TRAF3: variants seen among roughly 807,000 people sequenced by gnomAD.
TRAF3 encodes the protein TNF receptor associated factor 3, also known as TNF receptor-associated factor 3.
Under a neutral mutation model 62.3 loss-of-function variants are expected in TRAF3, and 13 were observed. That is an observed-to-expected ratio of 0.21 (90% CI 0.14 to 0.33). TRAF3 has a LOEUF of 0.33. Ranked by LOEUF, TRAF3 falls within the 10% of genes least tolerant of loss-of-function variation. The pLI is 1.00. For missense variants in TRAF3, 440 were observed against 741.8 expected (o/e 0.59, Z 4.73); for synonymous variants, 269 against 283.4 (o/e 0.95, Z 0.51).
chr14:102,821,106 T>C (rs1254785079), intron 1 of TRAF3, among the ~76,000 whole-genome samples: 1 of 152,210 alleles, frequency 6.6e-6, no homozygotes, highest in African/African-American at 2.4e-5. Context: ...TATCACTGTG[T>C]GTTCATTCCA....
At chr14:102,853,270 C>A (rs1887155948) in intron 2 of TRAF3, among the ~76,000 whole-genome samples, 1 of 151,950 alleles carries the variant, frequency 6.6e-6, no homozygotes, top group Non-Finnish European at 1.5e-5. Context: ...CCTGGTACTT[C>A]AAGCAGTCCT....
At chr14:102,805,598 A>C (rs190721501) in intron 1 of TRAF3, among the ~76,000 whole-genome samples, 24 of 152,278 alleles carry the variant, frequency 1.6e-4, no homozygotes, top group African/African-American at 5.5e-4. Context: ...GTGAGCAGTG[A>C]GGCACCAGGG....
intron 2 of TRAF3, among the ~76,000 whole-genome samples, chr14:102,836,976 A>C (rs1886047700): frequency 6.6e-6 from 1 of 152,206 alleles, no homozygotes; most frequent in South Asian, 2.1e-4. Flanking sequence ...ACTGTGACAG[A>C]GTAGCGCAGC....
chr14:102,881,362 C>T (rs1357929504), intron 6 of TRAF3, among the ~76,000 whole-genome samples: 2 of 145,750 alleles, frequency 1.4e-5, no homozygotes, highest in African/African-American at 2.5e-5. Context: ...TCAGCCTGGG[C>T]GACAGAGCAA....
At chr14:102,867,145 C>T (rs1056779079) in intron 2 of TRAF3, among the ~76,000 whole-genome samples, 2 of 152,134 alleles carry the variant, frequency 1.3e-5, no homozygotes, top group African/African-American at 4.8e-5. Flanking sequence ...CACTCATTTA[C>T]AAAACTGGCC....
intron 2 of TRAF3, among the ~76,000 whole-genome samples, chr14:102,857,513 T>A (rs181229610): frequency 6.6e-6 from 1 of 152,362 alleles, no homozygotes; most frequent in East Asian, 1.9e-4. Context: ...TAGATAAGAC[T>A]TTTTGTTAAA....
intron 1 of TRAF3, among the ~76,000 whole-genome samples, chr14:102,815,956 G>A (rs1194959956): frequency 2.0e-5 from 3 of 152,062 alleles, no homozygotes; most frequent in Non-Finnish European, 4.4e-5. Context: ...ATTACAATTC[G>A]AGATGAGATT....
In TRAF3 at chr14:102,877,602, C is replaced by G. The variant is rs1888775843; in HGVS notation, c.570+1077C>G. On this transcript the variant is annotated intron_variant, in intron 6 of 11. Transcript: ENST00000392745. ...CATTCCACAGGCCTTCCGCTCAGCT[C>G]ATAATCTGTTCCACAGGCCTTCCGC... Among the ~76,000 whole-genome samples, 3 of 131,144 alleles carry G rather than the reference C, an allele frequency of 2.3e-5. 1 individual carries two copies. In the South Asian group the frequency reaches 8.0e-4, roughly 35 times the overall value. The allele number at this position is 131,144 out of a possible 152,430, so 86.0% of individuals were successfully genotyped here.
Position 102,905,623 on chromosome 14 carries a change from C to T in TRAF3, c.1546C>T (p.Pro516Ser). ...RHLGDAFKPD[P>S]NSSSFKKPTG... Reference sequence around the variant, plus strand: ...TTTGGGAGATGCATTCAAGCCCGACCCCAACAGCAGCAGCTTCAAGAAGCC... The same window carrying T: ...TTTGGGAGATGCATTCAAGCCCGACTCCAACAGCAGCAGCTTCAAGAAGCC... Residue 516 changes from proline (P) to serine (S), a missense_variant, in exon 12 of 12, where the codon CCC becomes TCC. Transcript: ENST00000392745. 1 of 1,614,168 alleles carries T rather than the reference C, an allele frequency of 6.2e-7. No homozygotes were observed. Among genetic ancestry groups the T allele is most frequent in the Non-Finnish European group, 8.5e-7 (1 of 1,180,042 alleles).
rs184285642 is a variant in TRAF3 at position 102,780,219 on chromosome 14, C to T, written c.-157+2544C>T. On this transcript the variant is annotated intron_variant, in intron 1 of 11. Coordinates refer to ENST00000392745, the MANE Select transcript of TRAF3 (RefSeq NM_145725.3). ...CCAGAATGAGGGAGGCCCAGACGCC[C>T]GGGAGAGGTACAGGGGATAGGTGCC... Among the ~76,000 whole-genome samples, 467 of 152,082 alleles carry T rather than the reference C, an allele frequency of 3.1e-3. 2 individuals are homozygous for T. The highest frequency in any genetic ancestry group is 0.02 in the South Asian group (94 of 4,816).
intron 1 of TRAF3, among the ~76,000 whole-genome samples, chr14:102,802,600 G>T (rs1157896257): frequency 6.6e-6 from 1 of 151,612 alleles, no homozygotes; most frequent in African/African-American, 2.4e-5. Context: ...AGGTCGAGGT[G>T]GGAGGATCAT....
intron 1 of TRAF3, among the ~76,000 whole-genome samples, chr14:102,815,426 C>T (rs1899454984): frequency 6.6e-6 from 1 of 152,026 alleles, no homozygotes; most frequent in Non-Finnish European, 1.5e-5. Flanking sequence ...TTATCCATAG[C>T]CATGATCATA....
chr14:102,814,482 T>C (rs936320993), intron 1 of TRAF3, among the ~76,000 whole-genome samples: 4 of 152,206 alleles, frequency 2.6e-5, no homozygotes, highest in Admixed American at 2.6e-4. Context: ...ACAATGTCAT[T>C]GGTATTTTGA....
At chr14:102,833,495 G>A (rs1383952937) in intron 2 of TRAF3, among the ~76,000 whole-genome samples, 1 of 152,116 alleles carries the variant, frequency 6.6e-6, no homozygotes, top group Non-Finnish European at 1.5e-5. Context: ...TCATGCAAGC[G>A]AACACCCATA....
intron 1 of TRAF3, among the ~76,000 whole-genome samples, chr14:102,782,701 T>TAA (rs34834554): frequency 1.1e-4 from 16 of 146,518 alleles, no homozygotes; most frequent in African/African-American, 3.0e-4. Context: ...TTTCGAGCAT[T>TAA]AAAAAAAAAA....
chr14:102,832,789 C>G (rs1885725492), intron 2 of TRAF3, among the ~76,000 whole-genome samples: 1 of 152,066 alleles, frequency 6.6e-6, no homozygotes, highest in African/African-American at 2.4e-5. Context: ...ATGAATACAG[C>G]AAGAAGTTTG....
intron 1 of TRAF3, among the ~76,000 whole-genome samples, chr14:102,820,594 ATATATATATATATATATATATTTTTTTT>A (rs1430305233): frequency 0.011 from 113 of 10,084 alleles, 3 homozygotes; most frequent in African/African-American, 0.021. Context: ...ATATATATAT[ATATATATATATATATATATATTTTTTTT>A]TTTTTTTTTT....
chr14:102,845,453 T>A (rs1277588459), intron 2 of TRAF3, among the ~76,000 whole-genome samples: 2 of 151,632 alleles, frequency 1.3e-5, no homozygotes, highest in Non-Finnish European at 2.9e-5. Flanking sequence ...TCTGCCCACC[T>A]CAGTCTTCCA....
intron 2 of TRAF3, among the ~76,000 whole-genome samples, chr14:102,846,638 TAA>T (rs752922791): frequency 2.3e-3 from 162 of 71,736 alleles, no homozygotes; most frequent in Non-Finnish European, 3.0e-3. Flanking sequence ...TCCAGCTTCT[TAA>T]AAAAAAAAAA....
Sources: allele counts gnomAD v4.1 joint callset (sites outside exome capture counted in the v4.1 genomes callset), GRCh38; gene constraint gnomAD v4.1.1; transcripts MANE v1.5; gene names NCBI Gene and HGNC (gene_info 2026-07-23, HGNC 2026-07-21).